Variants in NUP210 observed in about 807,000 individuals in gnomAD.
NUP210 encodes nucleoporin 210, also known as nuclear pore membrane glycoprotein 210.
NUP210 carries 151 observed loss-of-function variants against 196.0 expected under a neutral mutation model. The ratio of observed to expected loss-of-function variants is 0.77; its 90% confidence interval spans 0.67 to 0.88. The LOEUF is 0.88. Among genes scored for constraint, NUP210 ranks in the 40% least tolerant of loss-of-function variants. The pLI, the probability that NUP210 is intolerant of heterozygous loss-of-function variation, is 0.00. For missense variants in NUP210, 2,314 were observed against 2,493.7 expected (o/e 0.93, Z 1.53); for synonymous variants, 1,070 against 1,052.7 (o/e 1.02, Z -0.32).
chr3:13,406,319 T>G (rs1699998534), intron 1 of NUP210, among the ~76,000 whole-genome samples: 1 of 152,118 alleles, frequency 6.6e-6, no homozygotes, highest in South Asian at 2.1e-4. Context: ...TCAGGAACTC[T>G]AAACACCAGA....
chr3:13,347,213 C>CG lies in NUP210; in HGVS notation c.2836-3911dup. The CG allele has an allele frequency of 1.0e-6, 1 of 985,392 alleles. No homozygotes were observed. The highest frequency in any genetic ancestry group is 1.2e-6 in the Non-Finnish European group (1 of 829,900). 61.0% of individuals were successfully genotyped at this position (985,392 alleles called of 1,614,324 possible). On this transcript the variant is annotated intron_variant, in intron 20 of 39. Transcript: ENST00000254508. This position sits in a 1 kb window ranked among gnomAD's most constrained non-coding sequence, Gnocchi z 4.7. Reference sequence around the variant, plus strand: ...TGCGGCTCACAGGAGCTGGGCCCCCCGGCTTCATTCCCTCCTGAATCCGCA... The same window carrying CG: ...TGCGGCTCACAGGAGCTGGGCCCCCCGGGCTTCATTCCCTCCTGAATCCGCA...
Position 13,341,776 on chromosome 3 carries a change from C to A in NUP210, c.3200G>T (p.Arg1067Ile), listed in dbSNP as rs1333527658. The A allele has an allele frequency of 1.2e-6, 2 of 1,614,240 alleles. No individual in the cohort carries two copies. Among genetic ancestry groups the A allele is most frequent in the African/African-American group, 1.3e-5 (1 of 75,070 alleles). ...AATCTGTTGTGGGGCTGAGTTGATT[C>A]TCTGTCCAGCTTTATTGGTCACACT... is the stretch of plus-strand genomic sequence containing the variant. ...TASVTNKAGQRINSAPQQIEV... is the reference protein window; with the variant it reads ...TASVTNKAGQIINSAPQQIEV... The change falls in exon 23 of 40, where the codon AGA (arginine) becomes ATA (isoleucine). Residue 1067 changes from arginine (R) to isoleucine (I), a missense_variant. Physicochemically the swap from Arg to Ile is moderately conservative, Grantham distance 97. Coordinates refer to ENST00000254508, the MANE Select transcript of NUP210 (RefSeq NM_024923.4).
In NUP210 at chr3:13,353,559, G is replaced by A. The variant is rs1698056169; in HGVS notation, c.2623C>T (p.Gln875Ter). Residue 875 changes from glutamine to a stop codon, truncating the protein, a stop_gained, in exon 18 of 40, where the codon CAG becomes TAG. Coordinates refer to ENST00000254508, the MANE Select transcript of NUP210 (RefSeq NM_024923.4). LOFTEE classifies it high-confidence loss of function. ...ESHLSSARTK[Q>*]PHDPLVPLSA... ...CACTGGGCCCTGGGAGATACCGGCTGCTTTGTTCTGGCAGAGCTGAGGTGG... is the reference window on the plus strand; with the variant it reads ...CACTGGGCCCTGGGAGATACCGGCTACTTTGTTCTGGCAGAGCTGAGGTGG... 6.2e-7 allele frequency: 1 copy of A among 1,613,666 alleles called. No individual in the cohort carries two copies.
intron 20 of NUP210, among the ~76,000 whole-genome samples, chr3:13,345,635 C>T (rs1172646744): frequency 6.6e-6 from 1 of 152,182 alleles, no homozygotes; most frequent in African/African-American, 2.4e-5. Context: ...TGGGTTATTC[C>T]ACACAATGAC....
chr3:13,330,478 G>A lies in NUP210; in HGVS notation c.4092C>T (p.Thr1364=), dbSNP rs781192235. The part of the protein sequence containing the change: ...IAQEPFGANQ[T]IIVAVKVSPV... ...ACCCTACCTTTACAGCAACAATGAT[G>A]GTTTGGTTGGCCCCAAAGGGCTCTT... The change falls in exon 30 of 40, where the codon ACC becomes ACT. Residue 1364 remains threonine (T), a synonymous_variant. Transcript: ENST00000254508. 34 of 1,614,066 alleles carry A rather than the reference G, an allele frequency of 2.1e-5. No homozygotes were observed. The South Asian group carries it at 3.7e-4, about 18-fold the overall frequency.
At position 13,354,034 on chromosome 3, in the gene NUP210, T is replaced by A; in HGVS notation, c.2402A>T (p.Asn801Ile). ...AYDQEGRRFD[N>I]FSSLSIQWES... ...CCACTGGATGCTCAGAGAGCTGAAG[T>A]TGTCGAACCGGCGGCCCTCCTGGTC... is the stretch of plus-strand genomic sequence containing the variant. Residue 801 changes from asparagine to isoleucine, a missense_variant, in exon 17 of 40, where the codon AAC becomes ATC. By Grantham distance (149) the Asn-to-Ile change is moderately radical (BLOSUM62 -3). Transcript: ENST00000254508. 1 of 1,608,382 alleles carries A rather than the reference T, an allele frequency of 6.2e-7. No homozygotes were observed. Among genetic ancestry groups the A allele is most frequent in the East Asian group, 2.2e-5 (1 of 44,680 alleles).
rs1308491459 is a variant in NUP210 at position 13,316,853 on chromosome 3, G to C, written c.*828C>G. 1 of 152,346 alleles carries C rather than the reference G, an allele frequency of 6.6e-6. No homozygotes were observed. The highest frequency in any genetic ancestry group is 1.5e-5 in the Non-Finnish European group (1 of 68,120). The allele number at this position is 152,346 out of a possible 1,614,324, so 9.4% of individuals were successfully genotyped here. Reference sequence around the variant, plus strand: ...AGCGGCTTTCCGAAACACACACACAGAAAATATGACTCCTGCTGCCATCTC... The same window carrying C: ...AGCGGCTTTCCGAAACACACACACACAAAATATGACTCCTGCTGCCATCTC... On this transcript the variant is annotated 3_prime_UTR_variant, in exon 40 of 40. Transcript: ENST00000254508.
intron 13 of NUP210, among the ~76,000 whole-genome samples, chr3:13,367,788 T>C (rs990395797): frequency 4.6e-5 from 7 of 152,228 alleles, no homozygotes; most frequent in African/African-American, 9.6e-5. Context: ...TGCATGAATA[T>C]AGAGCAATAG....
intron 20 of NUP210, among the ~76,000 whole-genome samples, chr3:13,349,113 C>A (rs147240371): frequency 1.5e-5 from 2 of 132,086 alleles, no homozygotes; most frequent in Admixed American, 7.4e-5. Context: ...CCAAGGGCAA[C>A]AGCAAATGAA....
rs1368988594 is a variant in NUP210 at position 13,316,348 on chromosome 3, G to A, written c.*1333C>T. 1 of 152,234 alleles carries A rather than the reference G, an allele frequency of 6.6e-6. No individual in the cohort carries two copies. Among genetic ancestry groups the A allele is most frequent in the Non-Finnish European group, 1.5e-5 (1 of 68,058 alleles). The allele number at this position is 152,234 out of a possible 1,614,324, so 9.4% of individuals were successfully genotyped here. ...CAAGGCACAATTCTTCCTTTCTCCA[G>A]CTTTAGAAAAATCAACCACATGGCC... On this transcript the variant is annotated 3_prime_UTR_variant, in exon 40 of 40. Coordinates refer to ENST00000254508, the MANE Select transcript of NUP210 (RefSeq NM_024923.4).
At position 13,388,341 on chromosome 3, in the gene NUP210, A is replaced by T; in HGVS notation, c.646T>A (p.Ser216Thr). 1 of 1,612,230 alleles carries T rather than the reference A, an allele frequency of 6.2e-7. No homozygotes were observed. Among genetic ancestry groups the T allele is most frequent in the Non-Finnish European group, 8.5e-7 (1 of 1,179,274 alleles). ...TCCTGGATGCGAGCCTTGAGCTTGG[A>T]GCTCCCGGTCTTCATCCCAGACACC... ...ILVSGMKTGS[S>T]KLKARIQEAV... Residue 216 changes from serine (S) to threonine (T), a missense_variant, in exon 5 of 40, where the codon TCC becomes ACC. Coordinates refer to ENST00000254508, the MANE Select transcript of NUP210 (RefSeq NM_024923.4).
At chr3:13,329,479 C>T (rs1414449399) in intron 30 of NUP210, among the ~76,000 whole-genome samples, 1 of 152,194 alleles carries the variant, frequency 6.6e-6, no homozygotes, top group East Asian at 1.9e-4. Flanking sequence ...AAAGCTAGTG[C>T]TCCAAAGGTC....
At chr3:13,327,492 C>A (rs747660918) in intron 31 of NUP210, 55 bp from the exon 32 acceptor site, 15 of 1,311,002 alleles carry the variant, frequency 1.1e-5, no homozygotes, top group Admixed American at 2.0e-5. Context: ...GCTTCCAACT[C>A]CCAAAGGGAG....
rs1009731258 is a variant in NUP210 at position 13,399,858 on chromosome 3, C to A, written c.171G>T (p.Leu57Phe). ...TGCTGGCCACCTCCGGCCGGGTGGA[C>A]AACCTGCAGTGGAAGAAGACAGCAT... ...LEASEGCYRW[L>F]STRPEVASIE... Residue 57 changes from leucine (L) to phenylalanine (F), a missense_variant, in exon 2 of 40, where the codon TTG becomes TTT. By Grantham distance (22) the Leu-to-Phe change is conservative. Transcript: ENST00000254508. 3 of 1,604,516 alleles carry A rather than the reference C, an allele frequency of 1.9e-6. No homozygotes were observed. Among genetic ancestry groups the A allele is most frequent in the Non-Finnish European group, 2.6e-6 (3 of 1,175,204 alleles).
At chr3:13,325,744 CCG>C in intron 33 of NUP210, 49 bp downstream of exon 33, 1 of 1,599,758 alleles carries the variant, frequency 6.3e-7, no homozygotes. Context: ...AAGGTCAGGC[CCG>C]CCTCACAGGC....
chr3:13,342,570 A>G (rs1697555842), intron 21 of NUP210, among the ~76,000 whole-genome samples: 1 of 152,244 alleles, frequency 6.6e-6, no homozygotes, highest in Non-Finnish European at 1.5e-5. Flanking sequence ...GGCTGGGTAC[A>G]GCATATTAGC....
intron 20 of NUP210, chr3:13,351,567 C>T (rs971958669): frequency 3.3e-6 from 1 of 299,612 alleles, no homozygotes. Flanking sequence ...CTCAATGCAC[C>T]CCTCAACCTC....
intron 4 of NUP210, 27 bp from the exon 5 acceptor site, chr3:13,388,480 T>C: frequency 6.3e-7 from 1 of 1,579,794 alleles, no homozygotes; most frequent in South Asian, 1.2e-5. Flanking sequence ...TTGTCAAAGT[T>C]TGTTGATCAA....
intron 39 of NUP210, among the ~76,000 whole-genome samples, chr3:13,318,755 C>T (rs970995111): frequency 7.9e-5 from 12 of 152,178 alleles, no homozygotes; most frequent in Non-Finnish European, 1.3e-4. Context: ...TCGTCCAACC[C>T]CAGCTTAGAG....
Sources: allele counts gnomAD v4.1 joint callset (sites outside exome capture counted in the v4.1 genomes callset), GRCh38; gene constraint gnomAD v4.1.1; non-coding constraint Gnocchi (gnomAD v3.1); transcripts MANE v1.5; gene names NCBI Gene and HGNC (gene_info 2026-07-23, HGNC 2026-07-21).